The following DDX52 variants were observed in gnomAD, a reference collection of about 807,000 sequenced individuals.
DDX52 encodes the protein DExD-box helicase 52, also known as probable ATP-dependent RNA helicase DDX52.
Under a neutral mutation model 76.1 loss-of-function variants are expected in DDX52, and 59 were observed. That is an observed-to-expected ratio of 0.78 (90% CI 0.63 to 0.96). DDX52 has a LOEUF of 0.96. Ranked by LOEUF, DDX52 falls within the 40% of genes least tolerant of loss-of-function variation. The pLI, the probability that DDX52 is intolerant of heterozygous loss-of-function variation, is 0.00. For missense variants in DDX52, 707 were observed against 703.9 expected (o/e 1.00, Z -0.05); for synonymous variants, 231 against 244.1 (o/e 0.95, Z 0.50).
At chr17:37,638,918 C>T (rs148549007) in intron 2 of DDX52, among the ~76,000 whole-genome samples, 17 of 151,936 alleles carry the variant, frequency 1.1e-4, no homozygotes, top group Admixed American at 4.6e-4. Flanking sequence ...TACAGGCGTG[C>T]ACCACCATAT....
chr17:37,618,373 T>C lies in DDX52; in HGVS notation c.1661A>G (p.Lys554Arg), dbSNP rs2029901983. 1 of 1,585,346 alleles carries C rather than the reference T, an allele frequency of 6.3e-7. No homozygotes were observed. Among genetic ancestry groups the C allele is most frequent in the Admixed American group, 1.9e-5 (1 of 51,998 alleles). ...GFQKLLSKQK[K>R]KMIKKPLERE... ...TTCCAATGGTTTCTTAATCATCTTT[T>C]TCTTTTGTTTGCTGAAAGTTACAAA... is the stretch of plus-strand genomic sequence containing the variant. The change falls in exon 14 of 15, where the codon AAA becomes AGA. Residue 554 changes from lysine to arginine, a missense_variant. Physicochemically the swap from Lys to Arg is conservative, Grantham distance 26. Transcript: ENST00000617633.
chr17:37,631,423 T>C (rs1208146229), intron 4 of DDX52: 2 of 152,246 alleles, frequency 1.3e-5, no homozygotes, highest in Non-Finnish European at 2.9e-5. Context: ...GCAAAAGGAA[T>C]ATACAGCAGT....
intron 6 of DDX52, among the ~76,000 whole-genome samples, 194 bp from the exon 7 acceptor site, chr17:37,627,054 G>A (rs570095041): frequency 6.6e-6 from 1 of 152,228 alleles, no homozygotes; most frequent in African/African-American, 2.4e-5. Context: ...ACAGGGTCTT[G>A]CTCTGTCACC....
chr17:37,637,714 A>G (rs2030997656), intron 2 of DDX52, among the ~76,000 whole-genome samples: 1 of 151,694 alleles, frequency 6.6e-6, no homozygotes, highest in African/African-American at 2.4e-5. Context: ...AGCTGAGATT[A>G]TAGGCATGCG....
intron 2 of DDX52, among the ~76,000 whole-genome samples, chr17:37,636,653 G>A (rs765918084): frequency 6.6e-6 from 1 of 152,338 alleles, no homozygotes; most frequent in Middle Eastern, 3.4e-3. Flanking sequence ...AATTTACAGT[G>A]AAGCTTCGGT....
At chr17:37,632,809 C>T (rs1421930016) in intron 3 of DDX52, among the ~76,000 whole-genome samples, 2 of 152,150 alleles carry the variant, frequency 1.3e-5, no homozygotes, top group African/African-American at 2.4e-5. Context: ...ATCAGGAATA[C>T]GGCAGGTGTA....
chr17:37,637,657 C>T (rs2030995262), intron 2 of DDX52, among the ~76,000 whole-genome samples: 1 of 151,878 alleles, frequency 6.6e-6, no homozygotes, highest in East Asian at 1.9e-4. Context: ...TCACTGCAAC[C>T]TCTGCCTCCC....
chr17:37,618,325 G>A lies in DDX52; in HGVS notation c.1709C>T (p.Pro570Leu). Residue 570 changes from proline (P) to leucine (L), a missense_variant, in exon 14 of 15, where the codon CCA becomes CTA. Transcript: ENST00000617633. ...CTTAGCTTTTTCTAAGAAACATTTT[G>A]GAGTTGTACTAATGCTCTCCCTTTC... ...PLERESISTT[P>L]KCFLEKAKDK... 6.3e-7 allele frequency: 1 copy of A among 1,596,890 alleles called. No homozygotes were observed. The highest frequency in any genetic ancestry group is 1.4e-5 in the African/African-American group (1 of 73,674).
rs2064370962 is a variant in DDX52, at chr17:37,611,955, T to TAAAA, written c.*2340_*2341insTTTT. 1 of 95,736 alleles carries TAAAA rather than the reference T, an allele frequency of 1.0e-5. No homozygotes were observed. The highest frequency in any genetic ancestry group is 4.3e-5 in the African/African-American group (1 of 23,290). 5.9% of individuals were successfully genotyped at this position (95,736 alleles called of 1,614,324 possible). On this transcript the variant is annotated 3_prime_UTR_variant, in exon 15 of 15. Transcript: ENST00000617633. ...CAAATTAGGTAACAGACCCTGTTTC[T>TAAAA]CAAAAAAAAAAAAAAAAACAAAACA...
intron 6 of DDX52, among the ~76,000 whole-genome samples, chr17:37,627,336 A>G (rs564725924): frequency 3.3e-5 from 5 of 152,260 alleles, no homozygotes; most frequent in African/African-American, 1.2e-4. Context: ...TGGGACTACC[A>G]CTAGCTGGGA....
rs1195813566 is a variant in DDX52 at position 37,625,877 on chromosome 17, TG to T, written c.1136+17del. 1 of 1,613,146 alleles carries T rather than the reference TG, an allele frequency of 6.2e-7. No homozygotes were observed. Among genetic ancestry groups the T allele is most frequent in the South Asian group, 1.1e-5 (1 of 91,052 alleles). ...AAAAAAAAAATCAGTGTGATAATGT[TG>T]AGAAACAATTAAATACCTTGCTCCA... On this transcript the variant is annotated intron_variant, in intron 8 of 14. Coordinates refer to ENST00000617633, the MANE Select transcript of DDX52 (RefSeq NM_007010.5).
chr17:37,632,928 G>A (rs2030748891), intron 3 of DDX52, among the ~76,000 whole-genome samples: 1 of 152,212 alleles, frequency 6.6e-6, no homozygotes, highest in Non-Finnish European at 1.5e-5. Flanking sequence ...ATCTGTGTCA[G>A]AGGAAATCCT....
chr17:37,626,120 T>C, intron 7 of DDX52, 22 bp from the exon 8 acceptor site: 1 of 1,613,038 alleles, frequency 6.2e-7, no homozygotes, highest in Non-Finnish European at 8.5e-7. Context: ...CAAAACAACT[T>C]GTGGATACTG....
chr17:37,618,158 A>G (rs1461070432), intron 14 of DDX52, 134 bp downstream of exon 14: 1 of 685,052 alleles, frequency 1.5e-6, no homozygotes. Flanking sequence ...GCAACCTAAA[A>G]TATATTATTT....
Position 37,628,638 on chromosome 17 carries a change from G to A in DDX52, c.782C>T (p.Thr261Ile), listed in dbSNP as rs759892495. 21 of 1,603,020 alleles carry A rather than the reference G, an allele frequency of 1.3e-5. No homozygotes were observed. The highest frequency in any genetic ancestry group is 1.8e-5 in the Non-Finnish European group (21 of 1,176,958). The change falls in exon 6 of 15, where the codon ACA becomes ATA. Residue 261 changes from threonine to isoleucine, a missense_variant. Physicochemically the swap from Thr to Ile is moderately conservative, Grantham distance 89. Transcript: ENST00000617633. ...HRELIKISEG[T>I]GFRIHMIHKA... ...GTGGATCATGTGTATTCTGAATCCTGTTCCCTCAGAAATTTTTATTAACTC... is the reference window on the plus strand; with the variant it reads ...GTGGATCATGTGTATTCTGAATCCTATTCCCTCAGAAATTTTTATTAACTC...
At chr17:37,616,309 G>C (rs2064424623) in intron 14 of DDX52, among the ~76,000 whole-genome samples, 1 of 152,032 alleles carries the variant, frequency 6.6e-6, no homozygotes, top group Non-Finnish European at 1.5e-5. Flanking sequence ...CCAATCCACT[G>C]GTCTAAGTGT....
At chr17:37,633,248 G>A (rs2030764025) in intron 3 of DDX52, 40 bp downstream of exon 3, 1 of 1,565,162 alleles carries the variant, frequency 6.4e-7, no homozygotes. Context: ...CACTAGGTCA[G>A]AAAATATATA....
At chr17:37,625,815 ACC>A in intron 8 of DDX52, 78 bp downstream of exon 8, 2 of 1,509,766 alleles carry the variant, frequency 1.3e-6, no homozygotes, top group Non-Finnish European at 1.8e-6. Flanking sequence ...AGGCCAAGAA[ACC>A]TATCTCCTTC....
intron 14 of DDX52, among the ~76,000 whole-genome samples, chr17:37,614,601 C>G (rs550393055): frequency 2.4e-4 from 36 of 152,210 alleles, no homozygotes; most frequent in Non-Finnish European, 5.9e-5. Flanking sequence ...GGATCCTGAC[C>G]TAATGAGTTC....
Sources: gnomAD v4.1 joint callset for allele counts (sites outside exome capture counted in the v4.1 genomes callset) on GRCh38, gnomAD v4.1.1 for gene constraint, MANE v1.5 for transcripts, NCBI Gene and HGNC (gene_info 2026-07-23, HGNC 2026-07-21) for gene names.